Variants in SNX18 observed in about 807,000 individuals in gnomAD.
SNX18 encodes sorting nexin 18.
In SNX18, 35 loss-of-function variants were observed where a neutral mutation model predicts 48.7. The observed-to-expected ratio is 0.72, with a 90% CI of 0.55 to 0.95. The LOEUF (loss-of-function observed/expected upper bound fraction) is 0.95. Among genes scored for constraint, SNX18 ranks in the 40% least tolerant of loss-of-function variants. SNX18 has a pLI of 0.00. For missense variants in SNX18, 824 were observed against 871.0 expected (o/e 0.95, Z 0.68); for synonymous variants, 492 against 384.7 (o/e 1.28, Z -3.26).
the SNX18 span, among the ~76,000 whole-genome samples, chr5:54,579,363 A>G: frequency 5.3e-5 from 8 of 152,132 alleles, no homozygotes; most frequent in African/African-American, 1.9e-4. Flanking sequence ...AAAAAAAGTA[A>G]TAATGAGAAC....
the SNX18 span, among the ~76,000 whole-genome samples, chr5:54,577,656 C>A: frequency 6.6e-6 from 1 of 152,156 alleles, no homozygotes; most frequent in Non-Finnish European, 1.5e-5. Context: ...GGAAGAGGGA[C>A]GCTAGAGGCT....
the SNX18 span, among the ~76,000 whole-genome samples, chr5:54,570,781 G>A: frequency 6.6e-6 from 1 of 152,230 alleles, no homozygotes; most frequent in Non-Finnish European, 1.5e-5. Flanking sequence ...AGGATTTTAA[G>A]AGAGTCTTGG....
chr5:54,606,117 A>T, the SNX18 span, among the ~76,000 whole-genome samples: 1 of 152,216 alleles, frequency 6.6e-6, no homozygotes, highest in Admixed American at 6.5e-5. Context: ...AGTGTAATGT[A>T]CTATTTGTAT....
intron 1 of SNX18, among the ~76,000 whole-genome samples, chr5:54,527,171 G>T (rs1762147089): frequency 6.6e-6 from 1 of 152,144 alleles, no homozygotes; most frequent in South Asian, 2.1e-4. Context: ...ACAGGATTTT[G>T]AGCCAAGGTA....
chr5:54,576,771 G>GTGTTTGTTTGTT, the SNX18 span, among the ~76,000 whole-genome samples: 5 of 128,374 alleles, frequency 3.9e-5, no homozygotes, highest in African/African-American at 5.5e-5. Context: ...GCAAGTAGCT[G>GTGTTTGTTTGTT]TGTTTGTTTG....
chr5:54,526,301 T>A (rs761448404), intron 1 of SNX18, among the ~76,000 whole-genome samples: 1 of 152,020 alleles, frequency 6.6e-6, no homozygotes, highest in African/African-American at 2.4e-5. Context: ...AGAGACGGGG[T>A]TTCACTATAT....
chr5:54,590,438 G>A, the SNX18 span, among the ~76,000 whole-genome samples: 2 of 152,042 alleles, frequency 1.3e-5, no homozygotes, highest in African/African-American at 4.8e-5. Context: ...TCAGATTATT[G>A]GTTTCTTTTG....
In SNX18 at chr5:54,517,802, G is replaced by A; in HGVS notation, c.-151G>A. 1.4e-6 allele frequency: 1 copy of A among 718,774 alleles called. No homozygotes were observed. The allele number at this position is 718,774 out of a possible 1,614,324, so 44.5% of individuals were successfully genotyped here. On this transcript the variant is annotated 5_prime_UTR_variant, in exon 1 of 2. Transcript: ENST00000381410. ...GAGGCGCTGCGAGCGGAGCCGCGCG[G>A]AGGGCGCGACCGGCTGGTCCGGGCA...
chr5:54,615,438 C>A, the SNX18 span, among the ~76,000 whole-genome samples: 2 of 151,210 alleles, frequency 1.3e-5, no homozygotes, highest in Admixed American at 6.6e-5. Flanking sequence ...TTTAAAAATC[C>A]AGCTTGGGTC....
the SNX18 span, chr5:54,644,323 G>A: frequency 6.6e-6 from 1 of 152,266 alleles, no homozygotes; most frequent in Non-Finnish European, 1.5e-5. Context: ...GAGCCTATGA[G>A]ACAGAACTTG....
the SNX18 span, among the ~76,000 whole-genome samples, chr5:54,585,231 G>T: frequency 0.024 from 3,695 of 151,494 alleles, 137 homozygotes; most frequent in African/African-American, 0.084. Context: ...GTTCAAGGCT[G>T]CAGTGAGTTG....
chr5:54,628,785 C>T, the SNX18 span, among the ~76,000 whole-genome samples: 9 of 152,324 alleles, frequency 5.9e-5, no homozygotes, highest in East Asian at 1.5e-3. Context: ...TTAACCAGGC[C>T]GCCTCATGGC....
chr5:54,608,443 C>T, the SNX18 span, among the ~76,000 whole-genome samples: 5 of 151,946 alleles, frequency 3.3e-5, no homozygotes, highest in Middle Eastern at 3.4e-3. Context: ...ACTATGTTGC[C>T]CAAGCTGGTC....
chr5:54,613,278 T>C, the SNX18 span, among the ~76,000 whole-genome samples: 1 of 152,104 alleles, frequency 6.6e-6, no homozygotes, highest in Non-Finnish European at 1.5e-5. Context: ...AACAGAGATT[T>C]ATTTCTTACA....
rs1190351950 is a variant in SNX18 at position 54,517,962 on chromosome 5, CGCGCCCGGGCGCTGT to C, written c.11_25del (p.Arg4_Tyr9delinsHis). 12 of 1,514,726 alleles carry C rather than the reference CGCGCCCGGGCGCTGT, an allele frequency of 7.9e-6. No homozygotes were observed. Among genetic ancestry groups the C allele is most frequent in the South Asian group, 2.4e-5 (2 of 81,692 alleles). The allele number at this position is 1,514,726 out of a possible 1,614,324, so 93.8% of individuals were successfully genotyped here. On this transcript the variant is annotated inframe_deletion, in exon 1 of 2. Transcript: ENST00000381410. ...TCGGGGCGCCGGGACCATGGCGCTG[CGCGCCCGGGCGCTGT>C]ACGACTTCAGGTCGGAGAACCCAGG... is the stretch of plus-strand genomic sequence containing the variant.
At chr5:54,599,243 AG>A in the SNX18 span, among the ~76,000 whole-genome samples, 1 of 152,186 alleles carries the variant, frequency 6.6e-6, no homozygotes, top group African/African-American at 2.4e-5. Flanking sequence ...TGCTACAAAG[AG>A]AGTAAAATAC....
chr5:54,596,449 G>T, the SNX18 span, among the ~76,000 whole-genome samples: 5 of 152,012 alleles, frequency 3.3e-5, no homozygotes, highest in African/African-American at 1.2e-4. Flanking sequence ...TTCAGCATTC[G>T]CCTGCTTTGC....
the SNX18 span, among the ~76,000 whole-genome samples, chr5:54,568,841 T>C: frequency 7.1e-6 from 1 of 140,920 alleles, no homozygotes; most frequent in Non-Finnish European, 1.5e-5. Context: ...TACTTTTTTT[T>C]TTTTTTTTTT....
the SNX18 span, among the ~76,000 whole-genome samples, chr5:54,613,720 C>T: frequency 3.3e-5 from 5 of 152,192 alleles, no homozygotes; most frequent in East Asian, 1.9e-4. Flanking sequence ...TTTTTTGAGA[C>T]GGAGTTTTGC....
Sources: allele counts gnomAD v4.1 joint callset (sites outside exome capture counted in the v4.1 genomes callset), GRCh38; gene constraint gnomAD v4.1.1; transcripts MANE v1.5; gene names NCBI Gene and HGNC (gene_info 2026-07-23, HGNC 2026-07-21).